Variants in BDP1 observed in about 807,000 individuals in gnomAD.
BDP1 encodes the protein BDP1 general transcription factor IIIB subunit, also known as transcription factor TFIIIB component B'' homolog.
In BDP1, 169 loss-of-function variants were observed where a neutral mutation model predicts 266.6. The ratio of observed to expected loss-of-function variants is 0.63; its 90% CI spans 0.56 to 0.72. The LOEUF is 0.72. Among genes scored for constraint, BDP1 ranks in the 30% least tolerant of loss-of-function variants. The pLI is 0.00. For synonymous variants in BDP1, 1,090 were observed against 1,022.4 expected (o/e 1.07, Z -1.26); for missense variants, 3,015 against 3,053.8 (o/e 0.99, Z 0.30).
chr5:71,504,686 T>C lies in BDP1; in HGVS notation c.2307T>C (p.Pro769=), dbSNP rs1764470414. 15 of 1,613,506 alleles carry C rather than the reference T, an allele frequency of 9.3e-6. No homozygotes were observed. The highest frequency in any genetic ancestry group is 1.3e-5 in the Non-Finnish European group (15 of 1,179,536). Residue 769 remains proline, a synonymous_variant, in exon 16 of 39, where the codon CCT becomes CCC. Transcript: ENST00000358731. ...DFEEEDVILQ[P]EKNDSFQNVQ... ...AAGAGGAAGATGTCATATTACAGCC[T>C]GAGAAAAATGATTCTTTTCAAAATG...
Position 71,512,290 on chromosome 5 carries a change from A to C in BDP1, c.4109A>C (p.Lys1370Thr). 6.3e-7 allele frequency: 1 copy of C among 1,592,294 alleles called. No homozygotes were observed. The highest frequency in any genetic ancestry group is 8.5e-7 in the Non-Finnish European group (1 of 1,173,796). Residue 1370 changes from lysine to threonine, a missense_variant, in exon 18 of 39, where the codon AAA becomes ACA. By Grantham distance (78) the Lys-to-Thr change is moderately conservative. Transcript: ENST00000358731. ...ATGATGCATACACCTGTAGAAGAAA[A>C]AAGAAATTCTGAAAAAGAAGTATCA... ...LSMMHTPVEE[K>T]RNSEKEVSSH...
At chr5:71,522,180 C>G in intron 22 of BDP1, 109 bp from the exon 23 acceptor site, 3 of 809,022 alleles carry the variant, frequency 3.7e-6, no homozygotes, top group Non-Finnish European at 6.1e-6. Context: ...TATATATAGT[C>G]CTTTGAACAT....
chr5:71,502,278 G>A (rs140733780), intron 14 of BDP1, among the ~76,000 whole-genome samples: 4 of 149,776 alleles, frequency 2.7e-5, no homozygotes, highest in Non-Finnish European at 4.4e-5. Flanking sequence ...GGTTTCAAGC[G>A]ATTCTTCTGC....
rs769457330 is a variant in BDP1, at chr5:71,532,459, T to G, written c.5892+32T>G. ...ATCCATTTTAATATGTTTTGGCCTTTTATTCTTTGTTTACTTTGAAAAGAC... is the reference window on the plus strand; with the variant it reads ...ATCCATTTTAATATGTTTTGGCCTTGTATTCTTTGTTTACTTTGAAAAGAC... On this transcript the variant is annotated intron_variant, in intron 26 of 38. Transcript: ENST00000358731. 38 of 1,596,568 alleles carry G rather than the reference T, an allele frequency of 2.4e-5. 1 individual carries two copies. In the South Asian group the frequency reaches 4.3e-4, roughly 18 times the overall value.
At chr5:71,541,812 A>G in intron 29 of BDP1, 130 bp downstream of exon 29, 1 of 623,024 alleles carries the variant, frequency 1.6e-6, no homozygotes. Context: ...ACTGATTTTG[A>G]TTTTAGGTTA....
chr5:71,537,132 C>A lies in BDP1; in HGVS notation c.5893-1910C>A, dbSNP rs1766655028. 5.0e-5 allele frequency among the ~76,000 whole-genome samples: 4 copies of A among 79,394 alleles called. No homozygotes were observed. In the Admixed American group the frequency reaches 6.5e-4, roughly 13 times the overall value. The allele number at this position is 79,394 out of a possible 152,430, so 52.1% of individuals were successfully genotyped here. ...AACAGAGCAAGACTCTGTCTCAAAG[C>A]CAAAAAACCAAAAAACCAAAAAAAA... On this transcript the variant is annotated intron_variant, in intron 26 of 38. Transcript: ENST00000358731.
intron 25 of BDP1, among the ~76,000 whole-genome samples, chr5:71,525,361 T>C (rs1765746183): frequency 7.1e-6 from 1 of 139,998 alleles, no homozygotes; most frequent in African/African-American, 2.7e-5. Flanking sequence ...ACCCCTCACC[T>C]CCCGGATGGG....
At chr5:71,502,143 G>A (rs1170561837) in intron 14 of BDP1, among the ~76,000 whole-genome samples, 1 of 150,774 alleles carries the variant, frequency 6.6e-6, no homozygotes, top group East Asian at 1.9e-4. Context: ...ATTTAAAAGT[G>A]CTTTTTCAAG....
At chr5:71,504,505 C>T (rs1386708804) in intron 15 of BDP1, 116 bp from the exon 16 acceptor site, 2 of 895,972 alleles carry the variant, frequency 2.2e-6, no homozygotes, top group Non-Finnish European at 3.4e-6. Context: ...TTTAAAGTCT[C>T]CATTTTATAA....
intron 7 of BDP1, among the ~76,000 whole-genome samples, chr5:71,479,938 C>T (rs529270378): frequency 7.3e-5 from 11 of 151,570 alleles, no homozygotes; most frequent in South Asian, 2.1e-4. Flanking sequence ...GTCTCCGTCA[C>T]GGGTTTTTTT....
intron 7 of BDP1, among the ~76,000 whole-genome samples, chr5:71,482,163 C>G (rs1763005974): frequency 6.6e-6 from 1 of 152,186 alleles, no homozygotes; most frequent in African/African-American, 2.4e-5. Flanking sequence ...ATACTTAGGC[C>G]AAGGTATCAT....
At position 71,481,546 on chromosome 5, in the gene BDP1, C is replaced by T. The variant is rs1762971850; in HGVS notation, c.1015-2296C>T. ...CATTCCAGTCTGGAAGACATCAAGACTCTGTTTCAATAAACAAAACAGAAT... is the reference window on the plus strand; with the variant it reads ...CATTCCAGTCTGGAAGACATCAAGATTCTGTTTCAATAAACAAAACAGAAT... On this transcript the variant is annotated intron_variant, in intron 7 of 38. Transcript: ENST00000358731. 6.6e-5 allele frequency among the ~76,000 whole-genome samples: 10 copies of T among 152,210 alleles called. No individual in the cohort carries two copies. In the South Asian group the frequency reaches 2.1e-3, roughly 32 times the overall value.
intron 25 of BDP1, among the ~76,000 whole-genome samples, chr5:71,524,919 C>T (rs1477585759): frequency 6.6e-6 from 1 of 151,402 alleles, no homozygotes; most frequent in African/African-American, 2.4e-5. Context: ...TGAGTGGACA[C>T]AGCACATGTT....
rs749867419 is a variant in BDP1 at position 71,504,659 on chromosome 5, T to G, written c.2280T>G (p.Phe760Leu). 1 of 1,613,648 alleles carries G rather than the reference T, an allele frequency of 6.2e-7. No homozygotes were observed. Among genetic ancestry groups the G allele is most frequent in the Non-Finnish European group, 8.5e-7 (1 of 1,179,806 alleles). ...TGGAAGATCAATCGCGTAAAGATTT[T>G]GAAGAGGAAGATGTCATATTACAGC... Reference protein sequence around the residue: ...QHMEDQSRKDFEEEDVILQPE... With the variant: ...QHMEDQSRKDLEEEDVILQPE... Residue 760 changes from phenylalanine (F) to leucine (L), a missense_variant, in exon 16 of 39, where the codon TTT becomes TTG. Around this residue, in one of 3 missense-constraint regions of BDP1, gnomAD observed 2,383 missense variants for 2,404.9 expected, o/e 0.99. Coordinates refer to ENST00000358731, the MANE Select transcript of BDP1 (RefSeq NM_018429.3).
At chr5:71,572,966 C>T in the BDP1 span, among the ~76,000 whole-genome samples, 5 of 152,136 alleles carry the variant, frequency 3.3e-5, no homozygotes, top group Admixed American at 2.6e-4. Flanking sequence ...TGGTGGCTCA[C>T]GCCTGTAATC....
rs55810132 is a variant in BDP1 at position 71,557,375 on chromosome 5, ATTTTTT to A, written c.7240+472_7240+477del. Among the ~76,000 whole-genome samples, 870 of 103,284 alleles carry A rather than the reference ATTTTTT, an allele frequency of 8.4e-3. 8 individuals carry two copies. The highest frequency in any genetic ancestry group is 0.036 in the African/African-American group (804 of 22,584). The allele number at this position is 103,284 out of a possible 152,430, so 67.8% of individuals were successfully genotyped here. ...AGGCATGCGCCACTATGCCAAGCTA[ATTTTTT>A]TTTTTTTTTTTTTTTTTTTTTGAGA... On this transcript the variant is annotated intron_variant, in intron 36 of 38. Transcript: ENST00000358731.
chr5:71,552,925 A>G lies in BDP1; in HGVS notation c.6996-191A>G, dbSNP rs151045246. 1.3e-4 allele frequency among the ~76,000 whole-genome samples: 20 copies of G among 152,180 alleles called. No homozygotes were observed. The East Asian group carries it at 3.7e-3, about 28-fold the overall frequency. The stretch of plus-strand genomic sequence containing the variant: ...CCCTGAAGTATGAATGGAGCTCAAA[A>G]CTATTAATAGCATTTTTGGGGCCAT... On this transcript the variant is annotated intron_variant, in intron 34 of 38. Transcript: ENST00000358731.
chr5:71,561,505 T>TTA (rs1188357487), intron 37 of BDP1, among the ~76,000 whole-genome samples: 1 of 152,196 alleles, frequency 6.6e-6, no homozygotes, highest in Non-Finnish European at 1.5e-5. Context: ...AAAATGGCAT[T>TTA]TGTATATATT....
intron 34 of BDP1, among the ~76,000 whole-genome samples, chr5:71,550,222 C>G (rs112270037): frequency 0.015 from 2,347 of 152,232 alleles, 64 homozygotes; most frequent in African/African-American, 0.053. Context: ...TCCATCACTA[C>G]TACAAATACA....
Sources: gnomAD v4.1 joint callset for allele counts (sites outside exome capture counted in the v4.1 genomes callset) on GRCh38, gnomAD v4.1.1 for gene constraint, gnomAD v4.1.1 regional missense constraint, MANE v1.5 for transcripts, NCBI Gene and HGNC (gene_info 2026-07-23, HGNC 2026-07-21) for gene names.